The following HERC2 variants were observed in gnomAD, a reference collection of about 807,000 sequenced individuals.
HERC2 encodes HECT and RLD domain containing E3 ubiquitin protein ligase 2, also known as E3 ubiquitin-protein ligase HERC2.
A neutral mutation model predicts 537.7 loss-of-function variants in HERC2; 102 were observed. That is an observed-to-expected ratio of 0.19 (90% CI 0.16 to 0.22). HERC2 has a LOEUF of 0.22. Among genes scored for constraint, HERC2 ranks in the 10% least tolerant of loss-of-function variants. The pLI is 1.00. For synonymous variants in HERC2, 2,224 were observed against 2,466.2 expected, an observed-to-expected ratio of 0.90 and a Z score of 2.91; for missense variants, 4,236 against 6,198.2, an observed-to-expected ratio of 0.68 and a Z score of 10.63.
chr15:28,310,812 T>C (rs889291786), intron 2 of HERC2, among the ~76,000 whole-genome samples: 3 of 152,104 alleles, frequency 2.0e-5, no homozygotes, highest in African/African-American at 7.2e-5. Flanking sequence ...GCACGGTGGC[T>C]GACGCCTGTA....
intron 69 of HERC2, among the ~76,000 whole-genome samples, chr15:28,160,082 G>A (rs998843804): frequency 3.3e-5 from 5 of 152,170 alleles, no homozygotes; most frequent in African/African-American, 4.8e-5. Flanking sequence ...CTGTCTGATC[G>A]TTCCTCTGGA....
At chr15:28,164,187 AG>A (rs1893904194) in intron 68 of HERC2, among the ~76,000 whole-genome samples, 1 of 152,234 alleles carries the variant, frequency 6.6e-6, no homozygotes, top group Non-Finnish European at 1.5e-5. Flanking sequence ...ATCGAGAGCC[AG>A]GGAAGTGCCG....
At position 28,202,636 on chromosome 15, in the gene HERC2, G is replaced by A. The variant is rs557157916; in HGVS notation, c.7213-22C>T. The A allele has an allele frequency of 1.1e-4, 57 of 525,620 alleles. No homozygotes were observed. In the South Asian group the frequency reaches 1.1e-3, roughly 10 times the overall value. 32.6% of individuals were successfully genotyped at this position (525,620 alleles called of 1,614,324 possible). ...CAGCCTGGGCAGACAAGAGGGTCCT[G>A]GGAGATTTGGGAAGTGCCCTCAGCT... On this transcript the variant is annotated intron_variant, in intron 45 of 92. Coordinates refer to ENST00000261609, the MANE Select transcript of HERC2 (RefSeq NM_004667.6).
intron 4 of HERC2, among the ~76,000 whole-genome samples, chr15:28,287,968 C>G (rs1316804229): frequency 6.6e-6 from 1 of 152,098 alleles, no homozygotes; most frequent in Non-Finnish European, 1.5e-5. Flanking sequence ...TCATGATCCA[C>G]CCACCTCAGC....
At chr15:28,143,639 G>A (rs1253873979) in intron 74 of HERC2, among the ~76,000 whole-genome samples, 1 of 151,842 alleles carries the variant, frequency 6.6e-6, no homozygotes, top group Non-Finnish European at 1.5e-5. Context: ...GTAGAGTCAG[G>A]ATTTCACCGT....
intron 3 of HERC2, among the ~76,000 whole-genome samples, chr15:28,297,881 A>G (rs970438392): frequency 4.7e-5 from 7 of 148,812 alleles, no homozygotes; most frequent in Middle Eastern, 6.8e-3. Flanking sequence ...AATTACATAC[A>G]TGAGTGTCTA....
rs76160479 is a variant in HERC2 at position 28,247,044 on chromosome 15, C to T, written c.3236-147G>A. 6.2e-3 allele frequency: 4,256 copies of T among 686,178 alleles called. 133 individuals carry two copies. In the African/African-American group the frequency reaches 0.07, roughly 11 times the overall value. 42.5% of individuals were successfully genotyped at this position (686,178 alleles called of 1,614,324 possible). A position where few individuals can be genotyped will look rare whatever the true frequency, so the allele number is the denominator to read the frequency against. On this transcript the variant is annotated intron_variant, in intron 21 of 92. Coordinates refer to ENST00000261609, the MANE Select transcript of HERC2 (RefSeq NM_004667.6). ...AGAAGCCTGTTAACCCTTGTCCTTGCGCTCTTTCTGTATCATGTGACTGGA... is the reference window on the plus strand; with the variant it reads ...AGAAGCCTGTTAACCCTTGTCCTTGTGCTCTTTCTGTATCATGTGACTGGA...
intron 2 of HERC2, among the ~76,000 whole-genome samples, chr15:28,316,369 G>A (rs750420075): frequency 2.6e-5 from 4 of 151,714 alleles, no homozygotes; most frequent in African/African-American, 4.8e-5. Context: ...GCCAGGCACA[G>A]TGGCTCATAC....
rs138353244 is a variant in HERC2, at chr15:28,149,602, T to C, written c.10900+3075A>G. Among the ~76,000 whole-genome samples, 1,310 of 151,618 alleles carry C rather than the reference T, an allele frequency of 8.6e-3. 9 individuals carry two copies. Among genetic ancestry groups the C allele is most frequent in the Admixed American group, 0.018 (275 of 15,240 alleles). On this transcript the variant is annotated intron_variant, in intron 70 of 92. Transcript: ENST00000261609. ...TTACCAAAAAAACACACGCGGCTCC[T>C]AACCGAGAACATCACCGAGAACGGC...
At chr15:28,304,759 C>T (rs1232822791) in intron 2 of HERC2, among the ~76,000 whole-genome samples, 10 of 130,758 alleles carry the variant, frequency 7.6e-5, no homozygotes, top group African/African-American at 2.1e-4. Context: ...GTGCACATTG[C>T]GCAGGTTAAT....
chr15:28,194,580 C>CAAAAA (rs1897174682), intron 52 of HERC2, among the ~76,000 whole-genome samples: 1 of 147,074 alleles, frequency 6.8e-6, no homozygotes, highest in Non-Finnish European at 1.5e-5. Context: ...TCAAAAAAAA[C>CAAAAA]AAAACAAAAC....
Position 28,245,564 on chromosome 15 carries a change from TATACACACACACAC to T in HERC2, c.3577+303_3577+316del, listed in dbSNP as rs1446420128. On this transcript the variant is annotated intron_variant, in intron 23 of 92. Coordinates refer to ENST00000261609, the MANE Select transcript of HERC2 (RefSeq NM_004667.6). ...GTAGTGTCAAAAAAAAAAAAAAATA[TATACACACACACAC>T]ACACACACACACACACACACACACA... Among the ~76,000 whole-genome samples, 293 of 108,954 alleles carry T rather than the reference TATACACACACACAC, an allele frequency of 2.7e-3. 4 individuals are homozygous for T. The highest frequency in any genetic ancestry group is 8.6e-3 in the African/African-American group (169 of 19,594). The allele number at this position is 108,954 out of a possible 152,430, so 71.5% of individuals were successfully genotyped here.
Position 28,266,057 on chromosome 15 carries a change from C to T in HERC2, c.1599-83G>A, listed in dbSNP as rs2075559148. 3.5e-6 allele frequency: 5 copies of T among 1,447,924 alleles called. 1 individual carries two copies. The South Asian group carries it at 3.8e-5, about 11-fold the overall frequency. The allele number at this position is 1,447,924 out of a possible 1,614,324, so 89.7% of individuals were successfully genotyped here. The stretch of plus-strand genomic sequence containing the variant: ...ATGTTAACAAAGGAAATTCACTATC[C>T]AAATTTAGACCAGCATAGCATCAGG... On this transcript the variant is annotated intron_variant, in intron 12 of 92. Transcript: ENST00000261609.
chr15:28,288,292 G>C (rs934766937), intron 4 of HERC2, among the ~76,000 whole-genome samples: 1 of 151,898 alleles, frequency 6.6e-6, no homozygotes, highest in African/African-American at 2.4e-5. Context: ...TTGGGAGGCC[G>C]AGGTGGGTGG....
intron 52 of HERC2, among the ~76,000 whole-genome samples, chr15:28,193,628 A>C (rs1336064979): frequency 3.9e-5 from 6 of 152,212 alleles, no homozygotes; most frequent in Non-Finnish European, 8.8e-5. Context: ...ACCAACCCCA[A>C]GAAAGATAAA....
chr15:28,219,461 C>T (rs749351206), intron 37 of HERC2, among the ~76,000 whole-genome samples: 36 of 152,314 alleles, frequency 2.4e-4, no homozygotes, highest in African/African-American at 8.7e-4. Flanking sequence ...TGGATGCTGG[C>T]GGCCAGCACC....
chr15:28,170,900 A>G (rs1234371502), intron 65 of HERC2, among the ~76,000 whole-genome samples: 4 of 152,246 alleles, frequency 2.6e-5, no homozygotes, highest in Admixed American at 1.3e-4. Flanking sequence ...GATGGTTAAC[A>G]TAATTAGCCA....
At chr15:28,261,551 T>A (rs1234484166) in intron 15 of HERC2, among the ~76,000 whole-genome samples, 1 of 152,164 alleles carries the variant, frequency 6.6e-6, no homozygotes, top group Admixed American at 6.5e-5. Flanking sequence ...AATTCTATCC[T>A]AGGAACTTAC....
At chr15:28,283,238 C>T (rs1158294066) in intron 4 of HERC2, among the ~76,000 whole-genome samples, 1 of 151,682 alleles carries the variant, frequency 6.6e-6, no homozygotes, top group East Asian at 1.9e-4. Context: ...AGGATGAACC[C>T]AAAGAAATCC....
Sources: allele counts gnomAD v4.1 joint callset (sites outside exome capture counted in the v4.1 genomes callset), GRCh38; gene constraint gnomAD v4.1.1; transcripts MANE v1.5; gene names NCBI Gene and HGNC (gene_info 2026-07-23, HGNC 2026-07-21).